Variants in NUDT9 observed in about 807,000 individuals in gnomAD.
NUDT9 encodes the protein nudix hydrolase 9, also known as ADP-ribose pyrophosphatase.
Under a neutral mutation model 41.0 loss-of-function variants are expected in NUDT9, and 31 were observed. The ratio of observed to expected loss-of-function variants is 0.76; its 90% CI spans 0.57 to 1.02. NUDT9 has a LOEUF of 1.02. Among genes scored for constraint, NUDT9 ranks in the 50% least tolerant of loss-of-function variants. The pLI is 0.00. For synonymous variants in NUDT9, 146 were observed against 147.6 expected (o/e 0.99, Z 0.08); for missense variants, 380 against 431.4 (o/e 0.88, Z 1.06).
chr4:87,439,176 A>G (rs1409569492), intron 3 of NUDT9, among the ~76,000 whole-genome samples: 1 of 151,670 alleles, frequency 6.6e-6, no homozygotes, highest in Non-Finnish European at 1.5e-5. Flanking sequence ...AAAAAAAAAA[A>G]TAGACATACC....
intron 3 of NUDT9, among the ~76,000 whole-genome samples, chr4:87,439,711 T>C (rs1028534397): frequency 2.6e-5 from 4 of 152,082 alleles, no homozygotes; most frequent in Non-Finnish European, 5.9e-5. Context: ...CTCACTATCA[T>C]GAGAACAGCA....
chr4:87,455,886 T>A (rs1407509240), intron 7 of NUDT9, among the ~76,000 whole-genome samples: 1 of 152,134 alleles, frequency 6.6e-6, no homozygotes, highest in Non-Finnish European at 1.5e-5. Context: ...GGTCTCAAAC[T>A]CCTTACTTCA....
In NUDT9 at chr4:87,451,573, T is replaced by G; in HGVS notation, c.643-16T>G. 6.3e-7 allele frequency: 1 copy of G among 1,599,220 alleles called. No individual in the cohort carries two copies. Among genetic ancestry groups the G allele is most frequent in the Non-Finnish European group, 8.5e-7 (1 of 1,175,420 alleles). ...AAGCTGATCCCTTTTTTCAAAATTT[T>G]TAATGTGACTCTTAGGGGATGGTGG... On this transcript the variant is annotated splice_polypyrimidine_tract_variant and intron_variant, in intron 5 of 7. Transcript: ENST00000302174.
At chr4:87,432,090 G>GT (rs1382259375) in intron 1 of NUDT9, among the ~76,000 whole-genome samples, 7 of 152,220 alleles carry the variant, frequency 4.6e-5, no homozygotes, top group African/African-American at 1.7e-4. Flanking sequence ...ATTATCTTGG[G>GT]TTTTCTACAT....
At chr4:87,442,353 T>G (rs1722241449) in intron 4 of NUDT9, among the ~76,000 whole-genome samples, 3 of 152,132 alleles carry the variant, frequency 2.0e-5, no homozygotes, top group South Asian at 2.1e-4. Flanking sequence ...CATACACCTG[T>G]TTTGGGCACT....
intron 1 of NUDT9, among the ~76,000 whole-genome samples, chr4:87,431,685 T>C (rs2110163900): frequency 6.6e-6 from 1 of 152,340 alleles, no homozygotes; most frequent in East Asian, 1.9e-4. Flanking sequence ...ATTTTCTTAA[T>C]GTTCCTTTTG....
intron 7 of NUDT9, 59 bp from the exon 8 acceptor site, chr4:87,457,784 A>G: frequency 1.4e-6 from 2 of 1,457,034 alleles, no homozygotes; most frequent in Non-Finnish European, 1.9e-6. Flanking sequence ...ACTTGACGAC[A>G]TAGATATGCT....
intron 5 of NUDT9, among the ~76,000 whole-genome samples, chr4:87,451,311 C>T (rs952259426): frequency 6.6e-6 from 1 of 152,172 alleles, no homozygotes; most frequent in African/African-American, 2.4e-5. Context: ...TTCTAACCTC[C>T]AGTCCTTTTT....
intron 5 of NUDT9, among the ~76,000 whole-genome samples, chr4:87,451,092 C>A (rs757125346): frequency 6.6e-6 from 1 of 152,182 alleles, no homozygotes; most frequent in African/African-American, 2.4e-5. Context: ...GAGAAGACCT[C>A]CCTGAGGAGG....
chr4:87,456,803 T>A (rs1359722821), intron 7 of NUDT9, among the ~76,000 whole-genome samples: 1 of 152,162 alleles, frequency 6.6e-6, no homozygotes, highest in Non-Finnish European at 1.5e-5. Flanking sequence ...TGGTGGCAGA[T>A]GCCTGTAATC....
chr4:87,450,611 T>C (rs533909436), intron 5 of NUDT9, among the ~76,000 whole-genome samples: 1 of 151,954 alleles, frequency 6.6e-6, no homozygotes, highest in South Asian at 2.1e-4. Flanking sequence ...ACTCCTGACC[T>C]CGTGATCCAC....
At chr4:87,428,196 G>T (rs1413453199) in intron 1 of NUDT9, among the ~76,000 whole-genome samples, 1 of 152,112 alleles carries the variant, frequency 6.6e-6, no homozygotes, top group Admixed American at 6.5e-5. Context: ...TAAAGTGAGT[G>T]TAAAATGAAA....
chr4:87,440,022 T>A (rs1192006411), intron 3 of NUDT9, among the ~76,000 whole-genome samples: 1 of 152,212 alleles, frequency 6.6e-6, no homozygotes, highest in Non-Finnish European at 1.5e-5. Context: ...GTTCTTTCTT[T>A]GGTCATAACT....
chr4:87,451,785 A>G (rs1722724863), intron 6 of NUDT9, 50 bp downstream of exon 6: 1 of 1,526,862 alleles, frequency 6.5e-7, no homozygotes, highest in African/African-American at 1.4e-5. Flanking sequence ...ATTGATGAAA[A>G]TGACTTAAAA....
Position 87,458,267 on chromosome 4 carries a change from A to G in NUDT9, c.*246A>G, listed in dbSNP as rs555751161. On this transcript the variant is annotated 3_prime_UTR_variant, in exon 8 of 8. Coordinates refer to ENST00000302174, the MANE Select transcript of NUDT9 (RefSeq NM_024047.5). ...TATTTTGTATGTATTCGATTTAAGCATGGCTTAAATTAAATTTAAACAACT... is the reference window on the plus strand; with the variant it reads ...TATTTTGTATGTATTCGATTTAAGCGTGGCTTAAATTAAATTTAAACAACT... 4 of 322,512 alleles carry G rather than the reference A, an allele frequency of 1.2e-5. No homozygotes were observed. The highest frequency in any genetic ancestry group is 1.4e-4 in the South Asian group (1 of 6,982). The allele number at this position is 322,512 out of a possible 1,614,324, so 20.0% of individuals were successfully genotyped here.
intron 4 of NUDT9, among the ~76,000 whole-genome samples, chr4:87,442,279 G>A (rs72877389): frequency 0.032 from 4,841 of 152,226 alleles, 250 homozygotes; most frequent in African/African-American, 0.11. Flanking sequence ...TAACACAATT[G>A]TAAGTGTATG....
At chr4:87,430,944 A>G (rs1200855244) in intron 1 of NUDT9, among the ~76,000 whole-genome samples, 1 of 152,268 alleles carries the variant, frequency 6.6e-6, no homozygotes, top group South Asian at 2.1e-4. Flanking sequence ...GATGTAATAT[A>G]TAGTCCAGCT....
At chr4:87,439,201 G>A (rs532599654) in intron 3 of NUDT9, among the ~76,000 whole-genome samples, 2 of 151,668 alleles carry the variant, frequency 1.3e-5, no homozygotes, top group South Asian at 2.1e-4. Flanking sequence ...ACTGGGTAAT[G>A]TATAAGGGAA....
chr4:87,441,739 C>G (rs530989489), intron 3 of NUDT9, 90 bp from the exon 4 acceptor site: 1 of 1,001,046 alleles, frequency 1.0e-6, no homozygotes, highest in South Asian at 1.4e-5. Flanking sequence ...TTCTGTCTTA[C>G]TGCTTATGTT....
Sources: allele counts gnomAD v4.1 joint callset (sites outside exome capture counted in the v4.1 genomes callset), GRCh38; gene constraint gnomAD v4.1.1; transcripts MANE v1.5; gene names NCBI Gene and HGNC (gene_info 2026-07-23, HGNC 2026-07-21).